GGT7: variants seen among roughly 807,000 people sequenced by gnomAD.
GGT7 encodes glutathione hydrolase 7.
Under a neutral mutation model 69.2 loss-of-function variants are expected in GGT7, and 30 were observed. That is an observed-to-expected ratio of 0.43 (90% CI 0.32 to 0.59). The LOEUF is 0.59. GGT7 is among the 20% of genes least tolerant of loss of function. GGT7 has a pLI of 0.05. For synonymous variants in GGT7, 388 were observed against 391.8 expected, an observed-to-expected ratio of 0.99 and a Z score of 0.12; for missense variants, 733 against 901.1, an observed-to-expected ratio of 0.81 and a Z score of 2.39.
At chr20:34,847,680 C>T (rs1304225031) in intron 14 of GGT7, among the ~76,000 whole-genome samples, 1 of 152,184 alleles carries the variant, frequency 6.6e-6, no homozygotes, top group Non-Finnish European at 1.5e-5. Context: ...CAATATTTAA[C>T]TAAAAACTAC....
chr20:34,854,670 C>T (rs371793614), intron 9 of GGT7, 51 bp from the exon 10 acceptor site: 36 of 1,570,966 alleles, frequency 2.3e-5, no homozygotes, highest in Non-Finnish European at 2.5e-5. Context: ...CTCCCAGAAC[C>T]CACACCCAGT....
intron 7 of GGT7, among the ~76,000 whole-genome samples, chr20:34,859,193 C>T (rs1454247883): frequency 1.3e-5 from 2 of 151,200 alleles, no homozygotes; most frequent in East Asian, 1.9e-4. Context: ...AAAGACAACA[C>T]TTCCATCATC....
At chr20:34,862,229 G>T (rs1249019262) in intron 3 of GGT7, among the ~76,000 whole-genome samples, 4 of 152,214 alleles carry the variant, frequency 2.6e-5, no homozygotes, top group Non-Finnish European at 5.9e-5. Flanking sequence ...CTTCAGCCAT[G>T]TGAGAATGCG....
At position 34,863,239 on chromosome 20, in the gene GGT7, T is replaced by A. The variant is rs2146921916; in HGVS notation, c.405+74A>T. On this transcript the variant is annotated intron_variant, in intron 2 of 14. Coordinates refer to ENST00000336431, the MANE Select transcript of GGT7 (RefSeq NM_178026.3). This position sits in a 1 kb window ranked among gnomAD's most constrained non-coding sequence, Gnocchi z 4.4. The stretch of plus-strand genomic sequence containing the variant: ...CTTCTACCACTCAGCCATTCCCCAG[T>A]TTCCACAGTTCCTCAAACATTACCC... 1.7e-6 allele frequency: 2 copies of A among 1,147,888 alleles called. No individual in the cohort carries two copies. The highest frequency in any genetic ancestry group is 5.1e-5 in the East Asian group (2 of 38,862). The allele number at this position is 1,147,888 out of a possible 1,614,324, so 71.1% of individuals were successfully genotyped here.
chr20:34,847,866 C>T (rs2079324290), intron 14 of GGT7, among the ~76,000 whole-genome samples: 2 of 152,150 alleles, frequency 1.3e-5, no homozygotes, highest in South Asian at 2.1e-4. Context: ...CCGAGGCAGG[C>T]GGATTACTTG....
rs780252630 is a variant in GGT7 at position 34,860,030 on chromosome 20, G to T, written c.756C>A (p.Ser252=). ...AHQLYGRLPW[S]QVLAFAAAVA... is the part of the protein sequence containing the mutation. ...CAGCTGCTGCAAAGGCCAGGACTTG[G>T]GACCATGGCAGCCTGGGGGGGCCGG... is the stretch of plus-strand genomic sequence containing the variant. Residue 252 remains serine (S), a synonymous_variant, in exon 6 of 15, where the codon TCC becomes TCA. Transcript: ENST00000336431. 3 of 1,566,506 alleles carry T rather than the reference G, an allele frequency of 1.9e-6. No homozygotes were observed. The African/African-American group carries it at 4.1e-5, about 21-fold the overall frequency.
intron 12 of GGT7, 127 bp from the exon 13 acceptor site, chr20:34,851,495 G>A (rs1055216256): frequency 2.3e-5 from 21 of 926,904 alleles, no homozygotes; most frequent in Non-Finnish European, 3.4e-5. Flanking sequence ...TTTCCTGGGA[G>A]ACTGGTCCCT....
chr20:34,847,545 AT>A (rs1227388036), intron 14 of GGT7, among the ~76,000 whole-genome samples: 1 of 152,290 alleles, frequency 6.6e-6, no homozygotes, highest in African/African-American at 2.4e-5. Context: ...TCGAAAATCT[AT>A]TTCCTTTGTG....
chr20:34,861,032 T>C (rs2079585246), intron 4 of GGT7, among the ~76,000 whole-genome samples: 1 of 152,244 alleles, frequency 6.6e-6, no homozygotes, highest in Non-Finnish European at 1.5e-5. Flanking sequence ...AGTACCCATT[T>C]TTCCAAGTTA....
chr20:34,861,485 G>C lies in GGT7; in HGVS notation c.635C>G (p.Ala212Gly). The change falls in exon 4 of 15, where the codon GCC becomes GGC. Residue 212 changes from alanine (A) to glycine (G), a missense_variant. Coordinates refer to ENST00000336431, the MANE Select transcript of GGT7 (RefSeq NM_178026.3). ...TCTTTGCAGGGTCTCTTCCCTGAGG[G>C]CCCCTGGTGCGGACTCCCGGAAATC... ...LIDFRESAPG[A>G]LREETLQRSW... is the part of the protein sequence containing the mutation. 3 of 1,552,978 alleles carry C rather than the reference G, an allele frequency of 1.9e-6. No homozygotes were observed. Among genetic ancestry groups the C allele is most frequent in the East Asian group, 2.4e-5 (1 of 42,274 alleles).
chr20:34,867,688 G>C (rs1462871493), intron 1 of GGT7, among the ~76,000 whole-genome samples: 1 of 152,092 alleles, frequency 6.6e-6, no homozygotes, highest in Non-Finnish European at 1.5e-5. Context: ...CTGGGCGACA[G>C]GGTGAAACCC....
In GGT7 at chr20:34,845,418, G is replaced by A. The variant is rs1162828958; in HGVS notation, c.1899C>T (p.Ser633=). Residue 633 remains serine, a synonymous_variant, in exon 15 of 15, where the codon TCC becomes TCT. Coordinates refer to ENST00000336431, the MANE Select transcript of GGT7 (RefSeq NM_178026.3). ...TGGTCCTTCGGCTGCCATGGACCCAGGATAAGACATCTACTTTCTCCACGT... is the reference window on the plus strand; with the variant it reads ...TGGTCCTTCGGCTGCCATGGACCCAAGATAAGACATCTACTTTCTCCACGT... The part of the protein sequence containing the change: ...GHHVEKVDVL[S]WVHGSRRTNN... The A allele has an allele frequency of 6.2e-7, 1 of 1,614,100 alleles. No homozygotes were observed. Among genetic ancestry groups the A allele is most frequent in the Non-Finnish European group, 8.5e-7 (1 of 1,179,964 alleles).
intron 1 of GGT7, among the ~76,000 whole-genome samples, chr20:34,871,050 G>A (rs538272749): frequency 4.6e-5 from 7 of 152,298 alleles, no homozygotes; most frequent in Non-Finnish European, 8.8e-5. Flanking sequence ...CCTCAGGCAT[G>A]AGCCACCGCG....
intron 1 of GGT7, among the ~76,000 whole-genome samples, chr20:34,866,546 CTTTTT>C (rs11476486): frequency 6.8e-6 from 1 of 147,366 alleles, no homozygotes; most frequent in Non-Finnish European, 1.5e-5. Flanking sequence ...CTCACTATTG[CTTTTT>C]TTTTTTTTAT....
chr20:34,851,433 T>C (rs2079390710), intron 12 of GGT7, 65 bp from the exon 13 acceptor site: 2 of 1,485,982 alleles, frequency 1.3e-6, no homozygotes, highest in Non-Finnish European at 9.1e-7. Context: ...AAAGGGCCCC[T>C]CCACAACCCT....
Position 34,851,243 on chromosome 20 carries a change from G to A in GGT7, c.1713C>T (p.Ser571=), listed in dbSNP as rs758665316. 1.9e-5 allele frequency: 31 copies of A among 1,613,334 alleles called. No individual in the cohort carries two copies. Among genetic ancestry groups the A allele is most frequent in the African/African-American group, 5.3e-5 (4 of 74,950 alleles). ...GCGTAAACCTCACCTGTGTCAGGCC[G>A]CTGAGGCCCCGCGCAGCTCCATTGG... ...LGANGAARGL[S]GLTQVLLNVL... is the part of the protein sequence containing the mutation. The change falls in exon 13 of 15, where the codon AGC becomes AGT. Residue 571 remains serine, a synonymous_variant. Coordinates refer to ENST00000336431, the MANE Select transcript of GGT7 (RefSeq NM_178026.3).
chr20:34,851,196 C>G, intron 13 of GGT7, 35 bp downstream of exon 13: 1 of 1,609,098 alleles, frequency 6.2e-7, no homozygotes, highest in East Asian at 2.2e-5. Flanking sequence ...GCTTGGCTCC[C>G]GGCTGAAAAA....
At position 34,860,242 on chromosome 20, in the gene GGT7, G is replaced by A; in HGVS notation, c.743+12C>T. ...AACGGGGGTCCCTGGTCCCCAGGGG[G>A]AGGGTTGTTACCTGCCATAGAGCTG... On this transcript the variant is annotated intron_variant, in intron 5 of 14. Coordinates refer to ENST00000336431, the MANE Select transcript of GGT7 (RefSeq NM_178026.3). 1.9e-6 allele frequency: 3 copies of A among 1,602,916 alleles called. No individual in the cohort carries two copies. Among genetic ancestry groups the A allele is most frequent in the Non-Finnish European group, 2.6e-6 (3 of 1,169,890 alleles).
chr20:34,854,644 A>C (rs1406936062), intron 9 of GGT7, 25 bp from the exon 10 acceptor site: 2 of 1,586,296 alleles, frequency 1.3e-6, no homozygotes, highest in Non-Finnish European at 8.7e-7. Context: ...GGGATATGGA[A>C]GAGGCTGCCA....
Sources: allele counts gnomAD v4.1 joint callset (sites outside exome capture counted in the v4.1 genomes callset), GRCh38; gene constraint gnomAD v4.1.1; non-coding constraint Gnocchi (gnomAD v3.1); transcripts MANE v1.5; gene names NCBI Gene and HGNC (gene_info 2026-07-23, HGNC 2026-07-21).